LSAMP: variants seen among roughly 807,000 people sequenced by gnomAD.
The protein encoded by LSAMP is limbic system-associated membrane protein.
Under a neutral mutation model 38.6 loss-of-function variants are expected in LSAMP, and 7 were observed. The ratio of observed to expected loss-of-function variants is 0.18; its 90% CI spans 0.10 to 0.34. LSAMP has a LOEUF of 0.34. LSAMP is among the 10% of genes least tolerant of loss of function. LSAMP has a pLI of 1.00. For synonymous variants in LSAMP, 154 were observed against 166.8 expected (o/e 0.92, Z 0.59); for missense variants, 313 against 420.0 (o/e 0.75, Z 2.23).
chr3:115,970,799 G>C (rs1938992916), intron 3 of LSAMP, among the ~76,000 whole-genome samples: 1 of 152,180 alleles, frequency 6.6e-6, no homozygotes, highest in Admixed American at 6.5e-5. Flanking sequence ...TATTAAAACA[G>C]TAATTTTGGT....
chr3:116,342,271 C>A (rs1462253050), intron 1 of LSAMP, among the ~76,000 whole-genome samples: 2 of 152,016 alleles, frequency 1.3e-5, no homozygotes, highest in Non-Finnish European at 1.5e-5. Flanking sequence ...TTTTTAAATA[C>A]TGATCTCCAT....
At chr3:116,219,293 A>G (rs1291865989) in intron 1 of LSAMP, among the ~76,000 whole-genome samples, 1 of 152,198 alleles carries the variant, frequency 6.6e-6, no homozygotes, top group Non-Finnish European at 1.5e-5. Context: ...TCCTTTTTAA[A>G]GGCTGAATAG....
intron 2 of LSAMP, among the ~76,000 whole-genome samples, chr3:116,054,332 T>A (rs1189706626): frequency 1.3e-5 from 2 of 152,226 alleles, no homozygotes; most frequent in Admixed American, 1.3e-4. Flanking sequence ...GTTAATTTAA[T>A]CATATCTGTG....
At chr3:116,134,270 C>T (rs953611324) in intron 1 of LSAMP, among the ~76,000 whole-genome samples, 2 of 152,130 alleles carry the variant, frequency 1.3e-5, no homozygotes, top group African/African-American at 4.8e-5. Context: ...ATTTACCTCC[C>T]TTCATCTCCA....
At position 115,954,579 on chromosome 3, in the gene LSAMP, G is replaced by A. The variant is rs182989174; in HGVS notation, c.514+64936C>T. On this transcript the variant is annotated intron_variant, in intron 3 of 6. Coordinates refer to ENST00000490035, the MANE Select transcript of LSAMP (RefSeq NM_002338.5). ...ACATCAGCTGCTGCACTGAGATAGAGCATTCATTTGCACTAAAGCCAAGCT... is the reference window on the plus strand; with the variant it reads ...ACATCAGCTGCTGCACTGAGATAGAACATTCATTTGCACTAAAGCCAAGCT... 3.3e-5 allele frequency among the ~76,000 whole-genome samples: 5 copies of A among 152,326 alleles called. No individual in the cohort carries two copies. In the East Asian group the frequency reaches 7.7e-4, roughly 23 times the overall value.
intron 2 of LSAMP, among the ~76,000 whole-genome samples, chr3:116,066,574 T>C (rs1707436367): frequency 6.6e-6 from 1 of 152,228 alleles, no homozygotes; most frequent in African/African-American, 2.4e-5. Flanking sequence ...CCTTTTTTTC[T>C]GATACCGCCA....
At chr3:115,864,126 C>A (rs545818385) in intron 3 of LSAMP, among the ~76,000 whole-genome samples, 2 of 152,254 alleles carry the variant, frequency 1.3e-5, no homozygotes, top group South Asian at 4.1e-4. Context: ...GAGACTTGAG[C>A]CTGGCCAATT....
At position 115,811,673 on chromosome 3, in the gene LSAMP, A is replaced by G. The variant is rs114009157; in HGVS notation, c.920-1259T>C. On this transcript the variant is annotated intron_variant, in intron 6 of 6. Coordinates refer to ENST00000490035, the MANE Select transcript of LSAMP (RefSeq NM_002338.5). ...TGTTTACAAACATACCCAATTGGAGATAGGATAACAAGGAAAAATGCCAAA... is the reference window on the plus strand; with the variant it reads ...TGTTTACAAACATACCCAATTGGAGGTAGGATAACAAGGAAAAATGCCAAA... Among the ~76,000 whole-genome samples, 1,410 of 152,242 alleles carry G rather than the reference A, an allele frequency of 9.3e-3. 10 individuals are homozygous for G. The highest frequency in any genetic ancestry group is 0.014 in the African/African-American group (577 of 41,532).
intron 2 of LSAMP, among the ~76,000 whole-genome samples, chr3:116,051,721 A>T (rs2107734003): frequency 6.6e-6 from 1 of 151,996 alleles, no homozygotes; most frequent in South Asian, 2.1e-4. Context: ...AGGCACAGGG[A>T]TGTCATTTGT....
intron 2 of LSAMP, among the ~76,000 whole-genome samples, chr3:116,034,313 T>C (rs1199356079): frequency 6.6e-6 from 1 of 152,042 alleles, no homozygotes; most frequent in Non-Finnish European, 1.5e-5. Context: ...CCAGGCCTGG[T>C]GGCCACCAGG....
chr3:116,100,851 C>T (rs1354628568), intron 1 of LSAMP, among the ~76,000 whole-genome samples: 2 of 152,204 alleles, frequency 1.3e-5, no homozygotes, highest in Non-Finnish European at 2.9e-5. Context: ...CAATCTCACC[C>T]TTTCTAGATC....
At chr3:116,248,217 C>G (rs1170183680) in intron 1 of LSAMP, among the ~76,000 whole-genome samples, 1 of 152,134 alleles carries the variant, frequency 6.6e-6, no homozygotes, top group African/African-American at 2.4e-5. Context: ...GGCCATCCTT[C>G]TGGAGAAAGA....
intron 1 of LSAMP, among the ~76,000 whole-genome samples, chr3:116,209,778 G>T (rs576293457): frequency 6.6e-6 from 1 of 151,940 alleles, no homozygotes; most frequent in African/African-American, 2.4e-5. Context: ...TTGAGTTGGA[G>T]TTTCACTCTG....
At chr3:116,035,502 C>T (rs1036538119) in intron 2 of LSAMP, among the ~76,000 whole-genome samples, 8 of 152,094 alleles carry the variant, frequency 5.3e-5, no homozygotes, top group African/African-American at 1.9e-4. Context: ...TTTACATAGA[C>T]GTGTGAATTT....
At chr3:116,112,368 C>G (rs1708634968) in intron 1 of LSAMP, among the ~76,000 whole-genome samples, 1 of 152,184 alleles carries the variant, frequency 6.6e-6, no homozygotes, top group Admixed American at 6.5e-5. Flanking sequence ...CCTGGCTACA[C>G]AGTTTAACAT....
At chr3:116,207,237 TTC>T (rs1384879784) in intron 1 of LSAMP, among the ~76,000 whole-genome samples, 1 of 152,112 alleles carries the variant, frequency 6.6e-6, no homozygotes, top group African/African-American at 2.4e-5. Flanking sequence ...CCCTGCCTTT[TTC>T]TGTTTTCCAT....
intron 3 of LSAMP, among the ~76,000 whole-genome samples, chr3:115,997,503 C>T (rs999313380): frequency 6.6e-6 from 1 of 151,220 alleles, no homozygotes; most frequent in Non-Finnish European, 1.5e-5. Context: ...CATGTTTGAA[C>T]TGAGGCCTTA....
At chr3:115,925,040 C>G (rs565219559) in intron 3 of LSAMP, among the ~76,000 whole-genome samples, 1 of 152,296 alleles carries the variant, frequency 6.6e-6, no homozygotes, top group African/African-American at 2.4e-5. Context: ...AAATTCCCTG[C>G]CTGTGGGGCT....
chr3:115,871,440 T>C (rs905783548), intron 3 of LSAMP, among the ~76,000 whole-genome samples: 1 of 152,102 alleles, frequency 6.6e-6, no homozygotes, highest in African/African-American at 2.4e-5. Flanking sequence ...TCAGAGGCCC[T>C]TGAAGGCCTC....
Sources: allele counts gnomAD v4.1 joint callset (sites outside exome capture counted in the v4.1 genomes callset), GRCh38; gene constraint gnomAD v4.1.1; transcripts MANE v1.5; gene names NCBI Gene and HGNC (gene_info 2026-07-23, HGNC 2026-07-21).